The following EMCN variants were observed in gnomAD, a reference collection of about 807,000 sequenced individuals.
EMCN encodes the protein MUC-14.
In EMCN, 37 loss-of-function variants were observed where a neutral mutation model predicts 38.4. The ratio of observed to expected loss-of-function variants is 0.96; its 90% CI spans 0.74 to 1.27. The LOEUF (loss-of-function observed/expected upper bound fraction) is 1.27, where lower values mean the gene tolerates loss of function less well. Ranked by LOEUF, EMCN falls within the 50% of genes most tolerant of loss-of-function variation. The pLI is 0.00. For synonymous variants in EMCN, 95 were observed against 100.8 expected (o/e 0.94, Z 0.35); for missense variants, 318 against 302.8 (o/e 1.05, Z -0.37).
At chr4:100,506,203 A>T (rs1313449708) in intron 1 of EMCN, among the ~76,000 whole-genome samples, 1 of 152,226 alleles carries the variant, frequency 6.6e-6, no homozygotes, top group Non-Finnish European at 1.5e-5. Flanking sequence ...AATCATCTTT[A>T]TGAAAAATGG....
intron 1 of EMCN, among the ~76,000 whole-genome samples, chr4:100,509,193 A>C (rs2110308997): frequency 6.6e-6 from 1 of 152,332 alleles, no homozygotes; most frequent in South Asian, 2.1e-4. Flanking sequence ...TTGTAACAAA[A>C]CCTAATAATA....
chr4:100,447,790 T>A (rs968094668), intron 4 of EMCN, among the ~76,000 whole-genome samples: 1 of 152,094 alleles, frequency 6.6e-6, no homozygotes, highest in Non-Finnish European at 1.5e-5. Context: ...AAGGGCCAAA[T>A]TTTTTAGGTT....
At chr4:100,465,591 T>G in intron 3 of EMCN, 52 bp from the exon 4 acceptor site, 1 of 917,950 alleles carries the variant, frequency 1.1e-6, no homozygotes. Flanking sequence ...CCAGATCATC[T>G]TATTAATATT....
At chr4:100,491,743 T>C (rs1185370559) in intron 1 of EMCN, among the ~76,000 whole-genome samples, 1 of 152,216 alleles carries the variant, frequency 6.6e-6, no homozygotes, top group African/African-American at 2.4e-5. Flanking sequence ...GGTCAGTCAG[T>C]GGTCTTGCCA....
In EMCN at chr4:100,475,658, C is replaced by CATTTTTTTTTTTTTTTTTTTTTTTTTT. The variant is rs1728617733; in HGVS notation, c.188-550_188-549insAAAAAAAAAAAAAAAAAAAAAAAAAAT. On this transcript the variant is annotated intron_variant, in intron 2 of 11. Coordinates refer to ENST00000296420, the MANE Select transcript of EMCN (RefSeq NM_016242.4). ...CTTGAGGGCAGTATCCAATTCTAGT[C>CATTTTTTTTTTTTTTTTTTTTTTTTTT]CTTTTTTTTTTTTTTTTTTTTTTTT... is the stretch of plus-strand genomic sequence containing the variant. Among the ~76,000 whole-genome samples the CATTTTTTTTTTTTTTTTTTTTTTTTTT allele has an allele frequency of 1.9e-5, 2 of 108,092 alleles. 1 individual carries two copies. The allele number at this position is 108,092 out of a possible 152,430, so 70.9% of individuals were successfully genotyped here. A position where few individuals can be genotyped will look rare whatever the true frequency, so the allele number is the denominator to read the frequency against.
rs1726134774 is a variant in EMCN, at chr4:100,396,883, G to A, written c.*1530C>T. ...AGCATGGGCTCAACAGTTCTAAAGT[G>A]AAAACATACATAGTGGAGATCCCTG... On this transcript the variant is annotated 3_prime_UTR_variant, in exon 12 of 12. Coordinates refer to ENST00000296420, the MANE Select transcript of EMCN (RefSeq NM_016242.4). 1 of 151,154 alleles carries A rather than the reference G, an allele frequency of 6.6e-6. No individual in the cohort carries two copies. Among genetic ancestry groups the A allele is most frequent in the South Asian group, 2.1e-4 (1 of 4,796 alleles). 9.4% of individuals were successfully genotyped at this position (151,154 alleles called of 1,614,324 possible). A position where few individuals can be genotyped will look rare whatever the true frequency, so the allele number is the denominator to read the frequency against.
At chr4:100,419,472 G>C (rs991578825) in intron 8 of EMCN, among the ~76,000 whole-genome samples, 3 of 152,094 alleles carry the variant, frequency 2.0e-5, no homozygotes, top group Admixed American at 6.6e-5. Context: ...ATAGCTATCC[G>C]TAGTGGTAGG....
intron 1 of EMCN, among the ~76,000 whole-genome samples, chr4:100,496,142 A>T (rs2110296239): frequency 6.6e-6 from 1 of 152,268 alleles, no homozygotes; most frequent in Non-Finnish European, 1.5e-5. Context: ...TTTTTCAGAT[A>T]GAGGGTCACT....
At chr4:100,464,166 T>G (rs1221518984) in intron 4 of EMCN, among the ~76,000 whole-genome samples, 3 of 151,896 alleles carry the variant, frequency 2.0e-5, no homozygotes, top group Non-Finnish European at 4.4e-5. Flanking sequence ...TTGATGCTAT[T>G]GAAGATGGAA....
chr4:100,425,211 G>T (rs980989149), intron 5 of EMCN, among the ~76,000 whole-genome samples: 3 of 144,366 alleles, frequency 2.1e-5, no homozygotes, highest in Non-Finnish European at 4.5e-5. Flanking sequence ...CCAATAATGG[G>T]AATTAACCTA....
intron 4 of EMCN, among the ~76,000 whole-genome samples, chr4:100,462,238 AGT>A (rs1728199609): frequency 6.6e-6 from 1 of 152,196 alleles, no homozygotes; most frequent in Non-Finnish European, 1.5e-5. Flanking sequence ...TGCTTTCCAG[AGT>A]GTTTCATTTC....
intron 1 of EMCN, among the ~76,000 whole-genome samples, chr4:100,501,432 T>G (rs1192033847): frequency 1.3e-5 from 2 of 152,186 alleles, no homozygotes; most frequent in African/African-American, 4.8e-5. Context: ...TACCACTTGA[T>G]TTGTCTACCT....
chr4:100,507,587 G>A (rs987394459), intron 1 of EMCN, among the ~76,000 whole-genome samples: 1 of 152,060 alleles, frequency 6.6e-6, no homozygotes, highest in African/African-American at 2.4e-5. Context: ...GGCCTTGTAA[G>A]AGTGGCTAGA....
intron 11 of EMCN, among the ~76,000 whole-genome samples, chr4:100,405,951 G>T (rs934149735): frequency 6.6e-6 from 1 of 151,928 alleles, no homozygotes; most frequent in African/African-American, 2.4e-5. Context: ...GTTCAATCTT[G>T]GGACGTTGTA....
intron 1 of EMCN, among the ~76,000 whole-genome samples, chr4:100,500,205 A>G (rs1244680554): frequency 6.6e-6 from 1 of 152,150 alleles, no homozygotes; most frequent in Non-Finnish European, 1.5e-5. Flanking sequence ...AAATACATTC[A>G]GTCTCTTTTA....
At chr4:100,479,853 G>GTA in intron 2 of EMCN, 64 bp downstream of exon 2, 1 of 1,328,744 alleles carries the variant, frequency 7.5e-7, no homozygotes, top group Non-Finnish European at 1.0e-6. Context: ...TCATACTGAT[G>GTA]TATATACATA....
chr4:100,460,826 T>C (rs1238880421), intron 4 of EMCN, among the ~76,000 whole-genome samples: 1 of 152,230 alleles, frequency 6.6e-6, no homozygotes, highest in East Asian at 1.9e-4. Context: ...AATTATGCTT[T>C]TGTTGCCTTT....
At position 100,475,065 on chromosome 4, in the gene EMCN, C is replaced by A; in HGVS notation, c.232G>T (p.Ala78Ser). The stretch of plus-strand genomic sequence containing the variant: ...TCATCTTTACTTGTTAAAAAAGTAG[C>A]TGTTGACATCAGAGACATTTTAAGT... ...ELLKMSLMST[A>S]TFLTSKDEGL... Residue 78 changes from alanine (A) to serine (S), a missense_variant, in exon 3 of 12, where the codon GCT (alanine) becomes TCT (serine). Ala to Ser is a moderately conservative substitution (Grantham distance 99). Transcript: ENST00000296420. 11 of 1,538,376 alleles carry A rather than the reference C, an allele frequency of 7.2e-6. No individual in the cohort carries two copies. Among genetic ancestry groups the A allele is most frequent in the Non-Finnish European group, 9.7e-6 (11 of 1,132,794 alleles).
At chr4:100,487,048 G>A in intron 1 of EMCN, 2 of 982,788 alleles carry the variant, frequency 2.0e-6, no homozygotes, top group Non-Finnish European at 2.4e-6. Flanking sequence ...AAAAGGCAAA[G>A]GTTACATTTA....
Sources: gnomAD v4.1 joint callset for allele counts (sites outside exome capture counted in the v4.1 genomes callset) on GRCh38, gnomAD v4.1.1 for gene constraint, MANE v1.5 for transcripts, NCBI Gene and HGNC (gene_info 2026-07-23, HGNC 2026-07-21) for gene names.